SV2C: variants seen among roughly 807,000 people sequenced by gnomAD.
The protein encoded by SV2C is synaptic vesicle glycoprotein 2C.
A neutral mutation model predicts 79.7 loss-of-function variants in SV2C; 49 were observed. The ratio of observed to expected loss-of-function variants is 0.61; its 90% CI spans 0.49 to 0.78. The LOEUF is 0.78. Ranked by LOEUF, SV2C falls within the 30% of genes least tolerant of loss-of-function variation. SV2C has a pLI of 0.00. For missense variants in SV2C, 833 were observed against 912.9 expected (o/e 0.91, Z 1.13); for synonymous variants, 334 against 333.2 (o/e 1.00, Z -0.03).
the SV2C span, among the ~76,000 whole-genome samples, chr5:76,013,065 T>G: frequency 2.0e-5 from 3 of 152,238 alleles, no homozygotes; most frequent in African/African-American, 7.2e-5. Flanking sequence ...TTCTTTTTAC[T>G]TAGGATTGCC....
At chr5:75,989,296 T>TGA in the SV2C span, among the ~76,000 whole-genome samples, 1 of 151,364 alleles carries the variant, frequency 6.6e-6, no homozygotes, top group Non-Finnish European at 1.5e-5. Context: ...CTTGATGCTG[T>TGA]CCCTCCTCCC....
At chr5:76,088,939 G>A (rs1215157173) in intron 1 of SV2C, among the ~76,000 whole-genome samples, 7 of 152,094 alleles carry the variant, frequency 4.6e-5, no homozygotes, top group African/African-American at 1.7e-4. Context: ...AATAGTATCT[G>A]GAACATAGTA....
chr5:76,253,560 T>C (rs1435011192), intron 4 of SV2C, among the ~76,000 whole-genome samples: 1 of 152,188 alleles, frequency 6.6e-6, no homozygotes, highest in African/African-American at 2.4e-5. Flanking sequence ...TTTTACCATT[T>C]AGGATGGGAG....
the SV2C span, among the ~76,000 whole-genome samples, chr5:75,867,028 A>G: frequency 6.6e-6 from 1 of 152,178 alleles, no homozygotes; most frequent in Non-Finnish European, 1.5e-5. Context: ...TCTCTGTGTC[A>G]ATGCAGGGCA....
chr5:75,912,456 T>C, the SV2C span, among the ~76,000 whole-genome samples: 1 of 152,104 alleles, frequency 6.6e-6, no homozygotes, highest in East Asian at 1.9e-4. Context: ...CGTTGTACTC[T>C]AGCCTGTGTG....
chr5:75,986,963 C>G, the SV2C span, among the ~76,000 whole-genome samples: 1 of 151,872 alleles, frequency 6.6e-6, no homozygotes, highest in Non-Finnish European at 1.5e-5. Context: ...GGCATGTTTG[C>G]TGGCAATGCT....
At chr5:76,062,728 C>A in the SV2C span, among the ~76,000 whole-genome samples, 2 of 151,974 alleles carry the variant, frequency 1.3e-5, no homozygotes, top group African/African-American at 4.8e-5. Flanking sequence ...ATAAGAAAGG[C>A]TCTTTATTGT....
the SV2C span, among the ~76,000 whole-genome samples, chr5:75,926,168 C>G: frequency 5.9e-5 from 9 of 152,238 alleles, no homozygotes; most frequent in African/African-American, 1.7e-4. Context: ...TAAATTCTCA[C>G]TGAGCTTACC....
chr5:76,077,661 G>A, the SV2C span, among the ~76,000 whole-genome samples: 3 of 152,182 alleles, frequency 2.0e-5, no homozygotes, highest in East Asian at 3.8e-4. Context: ...ACCAGGACCT[G>A]TCCACATGTC....
chr5:75,883,750 G>A, the SV2C span, among the ~76,000 whole-genome samples: 1 of 150,628 alleles, frequency 6.6e-6, no homozygotes, highest in African/African-American at 2.4e-5. Flanking sequence ...TGATGAGTTA[G>A]TGGGTGCAGC....
chr5:75,981,813 G>A, the SV2C span, among the ~76,000 whole-genome samples: 1 of 152,112 alleles, frequency 6.6e-6, no homozygotes, highest in Non-Finnish European at 1.5e-5. Context: ...CACAGGCAAA[G>A]ATTTCATGAC....
At chr5:76,080,482 T>C (rs1056834373), upstream of SV2C, among the ~76,000 whole-genome samples, 1 of 152,192 alleles carries the variant, frequency 6.6e-6, no homozygotes, top group Admixed American at 6.5e-5. Context: ...TTGGAAAACC[T>C]TGCCCTGACT....
In SV2C at chr5:76,158,319, A is replaced by G. The variant is rs115105193; in HGVS notation, c.580+25989A>G. The stretch of plus-strand genomic sequence containing the variant: ...TCTACAGAGCCACACTTTATATTCA[A>G]AGATACAAATAGACTGAAAGTAAAA... On this transcript the variant is annotated intron_variant, in intron 2 of 12. Coordinates refer to ENST00000502798, the MANE Select transcript of SV2C (RefSeq NM_014979.4). Among the ~76,000 whole-genome samples the G allele has an allele frequency of 7.7e-3, 1,177 of 152,006 alleles. 11 individuals are homozygous for G. Among genetic ancestry groups the G allele is most frequent in the African/African-American group, 0.026 (1,094 of 41,560 alleles).
At chr5:76,096,079 C>T (rs899390904) in intron 1 of SV2C, among the ~76,000 whole-genome samples, 11 of 152,086 alleles carry the variant, frequency 7.2e-5, no homozygotes, top group Non-Finnish European at 4.4e-5. Flanking sequence ...TATCTTTCCA[C>T]GTGATTGTAG....
At chr5:76,349,275 G>A (rs1389648001) in intron 12 of SV2C, among the ~76,000 whole-genome samples, 5 of 152,208 alleles carry the variant, frequency 3.3e-5, no homozygotes, top group Admixed American at 3.3e-4. Context: ...ACTTTGGGAG[G>A]CCAAGGCAGG....
intron 1 of SV2C, among the ~76,000 whole-genome samples, chr5:76,126,663 G>C (rs916107948): frequency 4.6e-5 from 7 of 152,134 alleles, no homozygotes; most frequent in Non-Finnish European, 7.4e-5. Flanking sequence ...GGGATGTTAT[G>C]AGCCCCTCTG....
intron 2 of SV2C, among the ~76,000 whole-genome samples, chr5:76,138,580 A>C (rs1435797098): frequency 1.3e-5 from 2 of 152,210 alleles, no homozygotes; most frequent in East Asian, 3.8e-4. Flanking sequence ...TAACCTATCA[A>C]ATTAGCCCAT....
chr5:75,950,168 C>G, the SV2C span, among the ~76,000 whole-genome samples: 1 of 152,004 alleles, frequency 6.6e-6, no homozygotes, highest in East Asian at 1.9e-4. Context: ...AATATAGTAG[C>G]TACATTTCTT....
intron 12 of SV2C, among the ~76,000 whole-genome samples, chr5:76,323,865 C>A (rs866315294): frequency 1.3e-4 from 20 of 152,152 alleles, no homozygotes; most frequent in South Asian, 1.0e-3. Context: ...GGGAGGGGAA[C>A]AACACACACC....
Sources: allele counts gnomAD v4.1 joint callset (sites outside exome capture counted in the v4.1 genomes callset), GRCh38; gene constraint gnomAD v4.1.1; transcripts MANE v1.5; gene names NCBI Gene and HGNC (gene_info 2026-07-23, HGNC 2026-07-21).